The following TRPM3 variants were observed in gnomAD, a reference collection of about 807,000 sequenced individuals.
The protein encoded by TRPM3 is transient receptor potential cation channel subfamily M member 3, also known as long transient receptor potential channel 3.
TRPM3 carries 77 observed loss-of-function variants against 181.2 expected under a neutral mutation model. That is an observed-to-expected ratio of 0.42 (90% CI 0.35 to 0.51). TRPM3 has a LOEUF of 0.51. Among genes scored for constraint, TRPM3 ranks in the 20% least tolerant of loss-of-function variants. The pLI is 0.01. For synonymous variants in TRPM3, 745 were observed against 796.4 expected (o/e 0.94, Z 1.09); for missense variants, 1,759 against 2,196.7 (o/e 0.80, Z 3.98).
chr9:70,634,267 G>A (rs2066464928), intron 12 of TRPM3, among the ~76,000 whole-genome samples: 1 of 152,008 alleles, frequency 6.6e-6, no homozygotes, highest in African/African-American at 2.4e-5. Context: ...ACACCACCAT[G>A]CCAAGCTAAT....
rs781047151 is a variant in TRPM3 at position 70,784,218 on chromosome 9, C to T, written c.1035G>A (p.Ser345=). The T allele has an allele frequency of 2.8e-5, 45 of 1,613,458 alleles. No homozygotes were observed. The highest frequency in any genetic ancestry group is 3.5e-5 in the Non-Finnish European group (41 of 1,179,750). The change falls in exon 7 of 26, where the codon TCG becomes TCA. Residue 345 remains serine (S), a synonymous_variant. Coordinates refer to ENST00000677713, the MANE Select transcript of TRPM3 (RefSeq NM_001366145.2). ...LIVEGGPNVI[S]IVLEYLRDTP... Reference sequence around the variant, plus strand: ...TGTCTCGAAGGTACTCCAAAACAATCGAGATCACATTGGGTCCTCCTTCCA... The same window carrying T: ...TGTCTCGAAGGTACTCCAAAACAATTGAGATCACATTGGGTCCTCCTTCCA...
At chr9:70,828,141 A>T (rs1222677385) in intron 5 of TRPM3, 123 bp from the exon 6 acceptor site, 1 of 954,294 alleles carries the variant, frequency 1.0e-6, no homozygotes, top group Non-Finnish European at 1.5e-6. Context: ...GTGAAAGTAC[A>T]GTCTACATCT....
At chr9:70,846,169 C>G (rs1050178795) in intron 4 of TRPM3, among the ~76,000 whole-genome samples, 11 of 152,132 alleles carry the variant, frequency 7.2e-5, no homozygotes, top group African/African-American at 2.7e-4. Context: ...TATCCCAACC[C>G]ATTTCTTATG....
intron 1 of TRPM3, among the ~76,000 whole-genome samples, chr9:71,325,734 C>T (rs893417109): frequency 2.0e-5 from 3 of 151,938 alleles, no homozygotes; most frequent in African/African-American, 7.3e-5. Context: ...CAATATTCTC[C>T]CTCTCATTCA....
chr9:71,003,724 C>T (rs997875027), intron 1 of TRPM3, among the ~76,000 whole-genome samples: 6 of 152,098 alleles, frequency 3.9e-5, no homozygotes, highest in South Asian at 2.1e-4. Flanking sequence ...CATTTGCAGT[C>T]GGCAAGGTGG....
chr9:70,655,660 G>A (rs11560632), intron 9 of TRPM3, among the ~76,000 whole-genome samples: 46,467 of 151,804 alleles, frequency 0.31, 7,495 homozygotes, highest in East Asian at 0.46. Flanking sequence ...TGTTTAATTG[G>A]CAATTAAATC....
chr9:71,372,534 T>C (rs1007138973), intron 1 of TRPM3, among the ~76,000 whole-genome samples: 8 of 152,178 alleles, frequency 5.3e-5, no homozygotes, highest in African/African-American at 1.4e-4. Flanking sequence ...TTACTTTTTA[T>C]TAACAGTCAT....
At chr9:70,783,296 G>A (rs531647919) in intron 7 of TRPM3, among the ~76,000 whole-genome samples, 2 of 152,234 alleles carry the variant, frequency 1.3e-5, no homozygotes, top group African/African-American at 2.4e-5. Context: ...CATGTGTTAG[G>A]GGAATTGATT....
chr9:71,060,498 A>G (rs146801824), intron 1 of TRPM3, among the ~76,000 whole-genome samples: 142 of 152,232 alleles, frequency 9.3e-4, no homozygotes, highest in African/African-American at 2.6e-3. Context: ...AAGTAGAAGC[A>G]CTATGTTTCA....
chr9:70,911,646 G>C (rs1004113504), intron 1 of TRPM3, among the ~76,000 whole-genome samples: 5 of 152,068 alleles, frequency 3.3e-5, no homozygotes, highest in African/African-American at 1.2e-4. Flanking sequence ...TGATTAAAAT[G>C]GAAATCTGTA....
At chr9:70,582,390 C>T (rs2056094328) in intron 22 of TRPM3, among the ~76,000 whole-genome samples, 1 of 152,182 alleles carries the variant, frequency 6.6e-6, no homozygotes, top group African/African-American at 2.4e-5. Context: ...CAGATAACAA[C>T]ATCACTCTCT....
At position 70,619,018 on chromosome 9, in the gene TRPM3, G is replaced by A. The variant is rs758670480; in HGVS notation, c.2207C>T (p.Thr736Met). The A allele has an allele frequency of 3.7e-6, 6 of 1,614,218 alleles. No homozygotes were observed. Among genetic ancestry groups the A allele is most frequent in the Non-Finnish European group, 4.2e-6 (5 of 1,180,042 alleles). Residue 736 changes from threonine to methionine, a missense_variant, in exon 17 of 26, where the codon ACG (threonine) becomes ATG (methionine). Thr to Met is a moderately conservative substitution (Grantham distance 81). This residue lies in a region of TRPM3 where 737 missense variants were observed against 957.4 expected (regional missense o/e 0.77). Coordinates refer to ENST00000677713, the MANE Select transcript of TRPM3 (RefSeq NM_001366145.2). ...QDEQLAMKLLTYELKNWSNAT... is the reference protein window; with the variant it reads ...QDEQLAMKLLMYELKNWSNAT... ...GTTGCTCCAGTTCTTCAGCTCATAC[G>A]TCAGCAGTTTCATGGCCAGCTGTTC...
chr9:71,228,002 G>T (rs973773372), intron 1 of TRPM3, among the ~76,000 whole-genome samples: 2 of 152,090 alleles, frequency 1.3e-5, no homozygotes, highest in African/African-American at 4.8e-5. Context: ...GTATTACCCT[G>T]ATCATCAAAC....
chr9:71,348,350 C>T (rs6560197), intron 1 of TRPM3, among the ~76,000 whole-genome samples: 151,323 of 152,000 alleles, frequency 1, 75,331 homozygotes, highest in East Asian at 1. Context: ...ATTCAGTTAC[C>T]CCACTACTTT....
At chr9:71,018,074 A>C (rs1408415070) in intron 1 of TRPM3, among the ~76,000 whole-genome samples, 1 of 151,910 alleles carries the variant, frequency 6.6e-6, no homozygotes, top group Non-Finnish European at 1.5e-5. Flanking sequence ...TTTCTAAATA[A>C]CCCATTGTTC....
chr9:71,007,103 A>G (rs113650886), intron 1 of TRPM3, among the ~76,000 whole-genome samples: 1 of 150,010 alleles, frequency 6.7e-6, no homozygotes, highest in Admixed American at 6.6e-5. Flanking sequence ...GAAAAAAAAA[A>G]AAAGAAAAAG....
intron 1 of TRPM3, among the ~76,000 whole-genome samples, chr9:70,889,115 C>A (rs1382590813): frequency 6.6e-6 from 1 of 152,132 alleles, no homozygotes; most frequent in Non-Finnish European, 1.5e-5. Flanking sequence ...ATTCACCCCA[C>A]TGAAACTCAG....
chr9:71,311,651 C>A (rs2087947318), intron 1 of TRPM3, among the ~76,000 whole-genome samples: 1 of 151,730 alleles, frequency 6.6e-6, no homozygotes, highest in African/African-American at 2.4e-5. Context: ...AGGGGTGAAA[C>A]TATGTAACTT....
rs182001123 is a variant in TRPM3, at chr9:70,779,142, A to G, written c.1148+4963T>C. ...GTCAAATTTTTATTAGAAATCTATTATCTATTCTCCTGCTCCCAAGCCATT... is the reference window on the plus strand; with the variant it reads ...GTCAAATTTTTATTAGAAATCTATTGTCTATTCTCCTGCTCCCAAGCCATT... On this transcript the variant is annotated intron_variant, in intron 7 of 25. Transcript: ENST00000677713. Among the ~76,000 whole-genome samples the G allele has an allele frequency of 3.6e-3, 543 of 152,234 alleles. 5 individuals carry two copies. The highest frequency in any genetic ancestry group is 0.012 in the African/African-American group (506 of 41,530).
Sources: gnomAD v4.1 joint callset for allele counts (sites outside exome capture counted in the v4.1 genomes callset) on GRCh38, gnomAD v4.1.1 for gene constraint, gnomAD v4.1.1 regional missense constraint, MANE v1.5 for transcripts, NCBI Gene and HGNC (gene_info 2026-07-23, HGNC 2026-07-21) for gene names.